The following UBTD1 variants were observed in gnomAD, a reference collection of about 807,000 sequenced individuals.
UBTD1 encodes the protein ubiquitin domain containing 1, also known as ubiquitin domain-containing protein 1.
Under a neutral mutation model 21.7 loss-of-function variants are expected in UBTD1, and 19 were observed. The observed-to-expected ratio is 0.87, with a 90% confidence interval of 0.61 to 1.28. UBTD1 has a LOEUF of 1.28. Ranked by LOEUF, UBTD1 falls within the 50% of genes most tolerant of loss-of-function variation. The pLI is 0.00. For synonymous variants in UBTD1, 116 were observed against 135.1 expected (o/e 0.86, Z 0.98); for missense variants, 282 against 315.1 (o/e 0.89, Z 0.80).
intron 1 of UBTD1, among the ~76,000 whole-genome samples, chr10:97,516,947 C>T (rs1006715824): frequency 4.6e-5 from 7 of 151,926 alleles, no homozygotes; most frequent in African/African-American, 1.5e-4. Context: ...ATGCTGACTG[C>T]GGGGCAGGGC....
At chr10:97,553,680 C>T (rs925387197) in intron 1 of UBTD1, among the ~76,000 whole-genome samples, 3 of 152,118 alleles carry the variant, frequency 2.0e-5, no homozygotes, top group African/African-American at 7.2e-5. Flanking sequence ...AGAGGTGCTG[C>T]GGCTGCCCTC....
In UBTD1 at chr10:97,501,085, T is replaced by G. The variant is rs559160089; in HGVS notation, c.70+1812T>G. 9.3e-4 allele frequency among the ~76,000 whole-genome samples: 142 copies of G among 152,308 alleles called. 2 individuals are homozygous for G. In the South Asian group the frequency reaches 0.018, roughly 19 times the overall value. On this transcript the variant is annotated intron_variant, in intron 1 of 2. Transcript: ENST00000370664. ...GCCAGTCATTGGGGTCTGCTGGGTC[T>G]TCCTTCCGCGGGACTTGCAAACCTG...
In UBTD1 at chr10:97,570,568, GCC is replaced by G; in HGVS notation, c.*49_*50del. The G allele has an allele frequency of 6.5e-7, 1 of 1,544,788 alleles. No individual in the cohort carries two copies. Among genetic ancestry groups the G allele is most frequent in the East Asian group, 2.3e-5 (1 of 44,010 alleles). On this transcript the variant is annotated 3_prime_UTR_variant, in exon 3 of 3. Transcript: ENST00000370664. The surrounding 1 kb of genome is among the most constrained non-coding windows in gnomAD (Gnocchi z 6.6). ...GAAGAGGCCCCGCCTGGAGCACTAG[GCC>G]CCCACCCTGCTGCTGCCTTCCAGTG...
At chr10:97,528,691 CCCGGACGGGGCGG>C (rs2040506791) in intron 1 of UBTD1, among the ~76,000 whole-genome samples, 1 of 52,262 alleles carries the variant, frequency 1.9e-5, no homozygotes, top group Non-Finnish European at 4.0e-5. Context: ...CCACCTCCCT[CCCGGACGGGGCGG>C]CTGGCCGGGC....
intron 1 of UBTD1, among the ~76,000 whole-genome samples, chr10:97,528,520 A>G (rs1474901275): frequency 2.0e-4 from 13 of 64,788 alleles, no homozygotes; most frequent in East Asian, 6.8e-4. Flanking sequence ...CTGGCCGGGC[A>G]GGGGGCTGAC....
At chr10:97,554,247 G>A (rs914756847) in intron 1 of UBTD1, among the ~76,000 whole-genome samples, 3 of 134,882 alleles carry the variant, frequency 2.2e-5, no homozygotes, top group African/African-American at 5.5e-5. Context: ...GTTTGTTTTC[G>A]TTTTTTTTTT....
intron 1 of UBTD1, among the ~76,000 whole-genome samples, chr10:97,539,384 A>G (rs2040577359): frequency 6.6e-6 from 1 of 152,200 alleles, no homozygotes; most frequent in South Asian, 2.1e-4. Flanking sequence ...AGTTGAGCTC[A>G]GGAGTTCAAG....
intron 1 of UBTD1, among the ~76,000 whole-genome samples, chr10:97,515,198 T>A (rs1204935572): frequency 6.6e-6 from 1 of 152,242 alleles, no homozygotes; most frequent in Non-Finnish European, 1.5e-5. Context: ...GCCTTTCTTT[T>A]TAGCACTGAG....
chr10:97,570,105 A>G lies in UBTD1; in HGVS notation c.299-33A>G. The stretch of plus-strand genomic sequence containing the variant: ...ATTTAATCCATGATAGTGGATCCCC[A>G]AGCTGACTCTGACAGCCCTGCCTCT... On this transcript the variant is annotated intron_variant, in intron 2 of 2. Transcript: ENST00000370664. The surrounding 1 kb of genome is among the most constrained non-coding windows in gnomAD (Gnocchi z 6.6). 6.4e-7 allele frequency: 1 copy of G among 1,572,448 alleles called. No individual in the cohort carries two copies. The highest frequency in any genetic ancestry group is 8.7e-7 in the Non-Finnish European group (1 of 1,155,900).
At chr10:97,521,291 G>A (rs184168128) in intron 1 of UBTD1, among the ~76,000 whole-genome samples, 2 of 152,340 alleles carry the variant, frequency 1.3e-5, no homozygotes, top group East Asian at 3.9e-4. Flanking sequence ...TGGAGGGCAC[G>A]CTTGAGGAAG....
At chr10:97,562,484 G>T (rs968582643) in intron 1 of UBTD1, among the ~76,000 whole-genome samples, 4 of 152,186 alleles carry the variant, frequency 2.6e-5, no homozygotes, top group African/African-American at 7.2e-5. Flanking sequence ...TGGGCAGGGG[G>T]TGGATCTTAC....
intron 1 of UBTD1, among the ~76,000 whole-genome samples, chr10:97,552,743 G>A (rs779564105): frequency 5.3e-5 from 8 of 152,098 alleles, no homozygotes; most frequent in Non-Finnish European, 8.8e-5. Flanking sequence ...AGCACTGTGC[G>A]CTTGCTGTTT....
rs7089477 is a variant in UBTD1 at position 97,522,203 on chromosome 10, C to T, written c.70+22930C>T. Among the ~76,000 whole-genome samples, 166 of 152,366 alleles carry T rather than the reference C, an allele frequency of 1.1e-3. 1 individual carries two copies. Among genetic ancestry groups the T allele is most frequent in the African/African-American group, 3.9e-3 (162 of 41,596 alleles). On this transcript the variant is annotated intron_variant, in intron 1 of 2. Transcript: ENST00000370664. ...GAAAGGTCATGTCCAGCTGCCCACGCAATGTGGGGTCGTTCCACTTAGCAC... is the reference window on the plus strand; with the variant it reads ...GAAAGGTCATGTCCAGCTGCCCACGTAATGTGGGGTCGTTCCACTTAGCAC...
chr10:97,552,347 A>G (rs1419706638), intron 1 of UBTD1, among the ~76,000 whole-genome samples: 1 of 150,786 alleles, frequency 6.6e-6, no homozygotes, highest in Non-Finnish European at 1.5e-5. Context: ...TGAGTGATAG[A>G]GCCAGACCCC....
intron 2 of UBTD1, 124 bp downstream of exon 2, chr10:97,568,265 AC>A (rs1280067431): frequency 2.1e-6 from 2 of 952,740 alleles, no homozygotes; most frequent in East Asian, 5.2e-5. Context: ...TCATTCAAGC[AC>A]CCCTTACTGA....
intron 1 of UBTD1, among the ~76,000 whole-genome samples, chr10:97,522,229 C>T (rs1488152109): frequency 6.6e-6 from 1 of 152,214 alleles, no homozygotes; most frequent in African/African-American, 2.4e-5. Context: ...CACTTAGCAC[C>T]CTTGCCAGGC....
chr10:97,508,304 C>T (rs1461539926), intron 1 of UBTD1, among the ~76,000 whole-genome samples: 2 of 152,120 alleles, frequency 1.3e-5, no homozygotes, highest in Admixed American at 6.5e-5. Context: ...AAGAAGAGAA[C>T]GCTTTTTTGT....
intron 1 of UBTD1, among the ~76,000 whole-genome samples, chr10:97,512,299 C>G (rs1185090045): frequency 6.6e-6 from 1 of 152,192 alleles, no homozygotes; most frequent in South Asian, 2.1e-4. Flanking sequence ...GACAGCAGCA[C>G]TTTGTAATGT....
intron 1 of UBTD1, among the ~76,000 whole-genome samples, chr10:97,513,634 C>T (rs7897321): frequency 0.015 from 2,353 of 152,248 alleles, 66 homozygotes; most frequent in African/African-American, 0.054. Flanking sequence ...AAAATGTGAA[C>T]GATATGAGAA....
Sources: allele counts gnomAD v4.1 joint callset (sites outside exome capture counted in the v4.1 genomes callset), GRCh38; gene constraint gnomAD v4.1.1; non-coding constraint Gnocchi (gnomAD v3.1); transcripts MANE v1.5; gene names NCBI Gene and HGNC (gene_info 2026-07-23, HGNC 2026-07-21).